Variants in ASTN2 observed in about 807,000 individuals in gnomAD.
ASTN2 encodes astrotactin-2.
ASTN2 carries 54 observed loss-of-function variants against 139.8 expected under a neutral mutation model. That is an observed-to-expected ratio of 0.39 (90% CI 0.31 to 0.48). The LOEUF (loss-of-function observed/expected upper bound fraction) is 0.48, where lower values mean the gene tolerates loss of function less well. Ranked by LOEUF, ASTN2 falls within the 20% of genes least tolerant of loss-of-function variation. The pLI is 0.95. For synonymous variants in ASTN2, 756 were observed against 719.5 expected (o/e 1.05, Z -0.81); for missense variants, 1,565 against 1,725.1 (o/e 0.91, Z 1.64).
At chr9:116,964,267 G>GCGCGCGCA (rs1259483543) in intron 10 of ASTN2, among the ~76,000 whole-genome samples, 1 of 151,498 alleles carries the variant, frequency 6.6e-6, no homozygotes, top group Admixed American at 6.6e-5. Context: ...GCGCGCGCGC[G>GCGCGCGCA]CGTGTGTGTT....
chr9:116,465,417 C>T (rs1848621539), intron 20 of ASTN2, among the ~76,000 whole-genome samples: 1 of 152,150 alleles, frequency 6.6e-6, no homozygotes, highest in Admixed American at 6.5e-5. Flanking sequence ...CTCGCCACGG[C>T]TGGACAAGCT....
At chr9:117,095,892 C>A in intron 5 of ASTN2, 152 bp downstream of exon 5, 1 of 622,600 alleles carries the variant, frequency 1.6e-6, no homozygotes. Context: ...GAAGGTCACC[C>A]ATATAGCCAG....
intron 16 of ASTN2, among the ~76,000 whole-genome samples, chr9:116,713,358 G>C (rs545445657): frequency 6.6e-6 from 1 of 152,188 alleles, no homozygotes; most frequent in Admixed American, 6.5e-5. Flanking sequence ...GGGGCCTAGG[G>C]CTGGTACATC....
intron 2 of ASTN2, among the ~76,000 whole-genome samples, chr9:117,226,281 T>C (rs533944487): frequency 6.6e-6 from 1 of 152,300 alleles, no homozygotes; most frequent in South Asian, 2.1e-4. Flanking sequence ...TTTGAGTACC[T>C]GTGCTGTCAT....
chr9:116,978,194 T>C (rs1430002145), intron 7 of ASTN2, among the ~76,000 whole-genome samples: 2 of 152,152 alleles, frequency 1.3e-5, no homozygotes, highest in East Asian at 3.9e-4. Flanking sequence ...TACACAATTT[T>C]CACCAACTTA....
At chr9:117,122,521 G>C (rs77444539) in intron 4 of ASTN2, among the ~76,000 whole-genome samples, 10,618 of 152,182 alleles carry the variant, frequency 0.07, 469 homozygotes, top group East Asian at 0.21. Flanking sequence ...AAGGATACAA[G>C]CTAAAAATAG....
intron 13 of ASTN2, among the ~76,000 whole-genome samples, chr9:116,790,966 G>GAAAGAAAA (rs1830520343): frequency 1.5e-5 from 1 of 65,818 alleles, no homozygotes; most frequent in Non-Finnish European, 3.2e-5. Context: ...AAAGAAAGAA[G>GAAAGAAAA]GAAAGAAAGA....
At chr9:117,181,545 A>G (rs1831067246) in intron 3 of ASTN2, among the ~76,000 whole-genome samples, 1 of 152,100 alleles carries the variant, frequency 6.6e-6, no homozygotes, top group South Asian at 2.1e-4. Flanking sequence ...ACTCTCTTCT[A>G]TTTTATTTTA....
rs1475534888 is a variant in ASTN2, at chr9:116,687,158, C to T, written c.2807-35365G>A. On this transcript the variant is annotated intron_variant, in intron 16 of 22. Transcript: ENST00000313400. ...AAAACTGGATTACGTGTCGCTAAGG[C>T]CCCGGGTTCTCAGAGGAAAGCTCAC... The T allele has an allele frequency of 1.6e-5, 17 of 1,070,866 alleles. No homozygotes were observed. In the East Asian group the frequency reaches 1.0e-3, roughly 64 times the overall value. The allele number at this position is 1,070,866 out of a possible 1,614,324, so 66.3% of individuals were successfully genotyped here. A position where few individuals can be genotyped will look rare whatever the true frequency, so the allele number is the denominator to read the frequency against.
intron 13 of ASTN2, among the ~76,000 whole-genome samples, chr9:116,775,795 A>AGGAGGAGGGAG: frequency 7.2e-6 from 1 of 138,996 alleles, no homozygotes; most frequent in Non-Finnish European, 1.6e-5. Flanking sequence ...GGAGGAGGGA[A>AGGAGGAGGGAG]GGAGGAGGGA....
At chr9:116,495,969 C>A (rs551180577) in intron 19 of ASTN2, among the ~76,000 whole-genome samples, 1 of 152,238 alleles carries the variant, frequency 6.6e-6, no homozygotes, top group South Asian at 2.1e-4. Flanking sequence ...ACTCCCACCA[C>A]AGGGCTTTTG....
intron 13 of ASTN2, among the ~76,000 whole-genome samples, chr9:116,738,827 G>A (rs967715399): frequency 3.9e-5 from 6 of 152,196 alleles, no homozygotes; most frequent in Admixed American, 2.0e-4. Context: ...GTAAGTACAT[G>A]CTCAGTGAAT....
chr9:117,229,365 CTCGGGTTGTACA>C (rs1832818738), intron 2 of ASTN2, among the ~76,000 whole-genome samples: 1 of 152,204 alleles, frequency 6.6e-6, no homozygotes, highest in South Asian at 2.1e-4. Flanking sequence ...CCCACATTCC[CTCGGGTTGTACA>C]TCTATTGCCT....
At chr9:116,800,464 G>A (rs184389310) in intron 13 of ASTN2, among the ~76,000 whole-genome samples, 129 of 152,074 alleles carry the variant, frequency 8.5e-4, no homozygotes, top group Non-Finnish European at 8.8e-4. Context: ...CCACATGCTC[G>A]CCCCCCAGAA....
chr9:117,111,640 T>C (rs537016754), intron 4 of ASTN2, among the ~76,000 whole-genome samples: 76 of 151,864 alleles, frequency 5.0e-4, no homozygotes, highest in Non-Finnish European at 8.5e-4. Flanking sequence ...AATAAAGAAA[T>C]AAAGGCTAGA....
chr9:117,008,144 G>A lies in ASTN2; in HGVS notation c.1539C>T (p.Leu513=), dbSNP rs2064289453. 4 of 1,610,838 alleles carry A rather than the reference G, an allele frequency of 2.5e-6. No homozygotes were observed. Among genetic ancestry groups the A allele is most frequent in the African/African-American group, 1.3e-5 (1 of 75,006 alleles). The change falls in exon 7 of 23, where the codon CTC becomes CTT. Residue 513 remains leucine (L), a synonymous_variant. Transcript: ENST00000313400. ...AGGCATCTGTCGTCCTTTGTCCACAGAGGTCCCTCACCCATGGGGAGGTGG... is the reference window on the plus strand; with the variant it reads ...AGGCATCTGTCGTCCTTTGTCCACAAAGGTCCCTCACCCATGGGGAGGTGG... ...INATSPWVRD[L]CGQRTTDACE...
chr9:116,881,715 T>C (rs1170562632), intron 10 of ASTN2, among the ~76,000 whole-genome samples: 1 of 152,208 alleles, frequency 6.6e-6, no homozygotes, highest in Non-Finnish European at 1.5e-5. Flanking sequence ...TCCCAGCTTA[T>C]GTAAAACACA....
chr9:117,354,595 T>G (rs1829484743), intron 1 of ASTN2, among the ~76,000 whole-genome samples: 1 of 152,210 alleles, frequency 6.6e-6, no homozygotes, highest in African/African-American at 2.4e-5. Flanking sequence ...TGATCTGTCT[T>G]TTCTAACAGT....
At chr9:116,662,438 T>A (rs1345132089) in intron 16 of ASTN2, among the ~76,000 whole-genome samples, 3 of 152,004 alleles carry the variant, frequency 2.0e-5, no homozygotes, top group Admixed American at 2.0e-4. Flanking sequence ...CTGGGTGTGG[T>A]GGTGGGCACC....
Sources: allele counts gnomAD v4.1 joint callset (sites outside exome capture counted in the v4.1 genomes callset), GRCh38; gene constraint gnomAD v4.1.1; transcripts MANE v1.5; gene names NCBI Gene and HGNC (gene_info 2026-07-23, HGNC 2026-07-21).